The following MRPL48 variants were observed in gnomAD, a reference collection of about 807,000 sequenced individuals.
MRPL48 encodes mitochondrial ribosomal protein L48, also known as large ribosomal subunit protein mL48.
A neutral mutation model predicts 32.9 loss-of-function variants in MRPL48; 16 were observed. The ratio of observed to expected loss-of-function variants is 0.49; its 90% CI spans 0.33 to 0.74. The LOEUF is 0.74. Among genes scored for constraint, MRPL48 ranks in the 30% least tolerant of loss-of-function variants. MRPL48 has a pLI of 0.02. For synonymous variants in MRPL48, 94 were observed against 89.2 expected, an observed-to-expected ratio of 1.05 and a Z score of -0.31; for missense variants, 206 against 245.3, an observed-to-expected ratio of 0.84 and a Z score of 1.07.
chr11:73,825,712 A>C lies in MRPL48; in HGVS notation c.117A>C (p.Gly39=), dbSNP rs1304152254. The C allele has an allele frequency of 9.6e-6, 15 of 1,558,952 alleles. No individual in the cohort carries two copies. The highest frequency in any genetic ancestry group is 5.8e-5 in the Admixed American group (3 of 51,590). ...GTCTTATTTTCTCTCTTTTAGGTGG[A>C]ATTCTACTAAGTATCAGTCGGCCCT... is the stretch of plus-strand genomic sequence containing the variant. The part of the protein sequence containing the change: ...SGEKPIYSVG[G]ILLSISRPYK... The change falls in exon 4 of 8, where the codon GGA becomes GGC. Residue 39 remains glycine, a synonymous_variant. Transcript: ENST00000310614.
intron 1 of MRPL48, among the ~76,000 whole-genome samples, chr11:73,798,767 G>A (rs12793342): frequency 0.043 from 6,587 of 151,998 alleles, 169 homozygotes; most frequent in Middle Eastern, 0.071. Context: ...TGAGGTGGGC[G>A]GATCACGAGG....
intron 3 of MRPL48, among the ~76,000 whole-genome samples, chr11:73,820,245 G>C (rs564805987): frequency 6.6e-6 from 1 of 152,128 alleles, no homozygotes; most frequent in African/African-American, 2.4e-5. Flanking sequence ...TCTTTTTTGA[G>C]ACAGAGTCTC....
intron 1 of MRPL48, among the ~76,000 whole-genome samples, chr11:73,799,279 G>A (rs1468128479): frequency 1.3e-5 from 2 of 152,104 alleles, no homozygotes; most frequent in Admixed American, 1.3e-4. Flanking sequence ...TTAAGTCTAG[G>A]GGGTCGAGGT....
chr11:73,837,645 A>G (rs1312340111), intron 4 of MRPL48, among the ~76,000 whole-genome samples: 8 of 152,116 alleles, frequency 5.3e-5, no homozygotes, highest in South Asian at 2.1e-4. Context: ...CAGTCCTACA[A>G]GGACCTAAGA....
At position 73,820,833 on chromosome 11, in the gene MRPL48, CT is replaced by C. The variant is rs572424830; in HGVS notation, c.113-4874del. ...AGCTACTTCCCCCCCACTATCCCCC[CT>C]GGGGGTAACCACTATTATAATTTTC... On this transcript the variant is annotated intron_variant, in intron 3 of 7. Coordinates refer to ENST00000310614, the MANE Select transcript of MRPL48 (RefSeq NM_016055.6). Among the ~76,000 whole-genome samples the C allele has an allele frequency of 3.4e-3, 522 of 152,280 alleles. 1 individual carries two copies. The highest frequency in any genetic ancestry group is 5.4e-3 in the Non-Finnish European group (365 of 68,024).
chr11:73,792,958 A>T (rs1243196305), intron 1 of MRPL48, among the ~76,000 whole-genome samples: 1 of 152,234 alleles, frequency 6.6e-6, no homozygotes, highest in Admixed American at 6.5e-5. Flanking sequence ...TGAGGTTTAG[A>T]GGGATTTACT....
At chr11:73,850,746 G>T (rs1366080898) in intron 5 of MRPL48, 2 of 211,524 alleles carry the variant, frequency 9.5e-6, no homozygotes, top group Non-Finnish European at 9.4e-6. Context: ...GCGCGATCTC[G>T]ACTCACTGCA....
intron 1 of MRPL48, among the ~76,000 whole-genome samples, chr11:73,794,430 G>A (rs1947212021): frequency 6.7e-6 from 1 of 149,734 alleles, no homozygotes; most frequent in African/African-American, 2.5e-5. Flanking sequence ...TGGCGCATGT[G>A]TGTAATCCCA....
chr11:73,853,746 A>T (rs1948440769), intron 5 of MRPL48, among the ~76,000 whole-genome samples: 1 of 120,716 alleles, frequency 8.3e-6, no homozygotes, highest in Admixed American at 1.2e-4. Flanking sequence ...GCTAGAGTGC[A>T]GTGGCGCGAT....
chr11:73,853,835 T>C (rs1214950652), intron 5 of MRPL48, among the ~76,000 whole-genome samples: 2 of 151,456 alleles, frequency 1.3e-5, no homozygotes, highest in East Asian at 2.0e-4. Context: ...GGACTACAGG[T>C]CCCTGCCACC....
chr11:73,794,186 A>ATCTATCTG (rs1555075367), intron 1 of MRPL48, among the ~76,000 whole-genome samples: 3 of 131,306 alleles, frequency 2.3e-5, no homozygotes, highest in Non-Finnish European at 3.3e-5. Context: ...GAGACCCTGT[A>ATCTATCTG]TCTATCTATC....
chr11:73,856,815 T>C (rs113685701), intron 5 of MRPL48, among the ~76,000 whole-genome samples: 2 of 152,192 alleles, frequency 1.3e-5, no homozygotes, highest in Non-Finnish European at 2.9e-5. Flanking sequence ...TTCCTTCATT[T>C]ATTTCCTTCC....
intron 1 of MRPL48, among the ~76,000 whole-genome samples, chr11:73,793,717 T>C (rs978772795): frequency 6.6e-6 from 1 of 151,776 alleles, no homozygotes; most frequent in Non-Finnish European, 1.5e-5. Flanking sequence ...GGAGTGAGAA[T>C]TGAGGTAAGG....
At chr11:73,818,540 A>G (rs966596599) in intron 3 of MRPL48, among the ~76,000 whole-genome samples, 4 of 152,208 alleles carry the variant, frequency 2.6e-5, no homozygotes, top group Non-Finnish European at 4.4e-5. Context: ...ATATCTTAAG[A>G]ACCATTTTTG....
intron 4 of MRPL48, among the ~76,000 whole-genome samples, chr11:73,828,246 A>G (rs1196777555): frequency 7.7e-6 from 1 of 130,042 alleles, no homozygotes; most frequent in South Asian, 2.4e-4. Flanking sequence ...TTTTTTTTTT[A>G]AATAGAATCT....
intron 4 of MRPL48, among the ~76,000 whole-genome samples, chr11:73,833,426 A>G (rs1233664716): frequency 6.6e-6 from 1 of 152,048 alleles, no homozygotes; most frequent in African/African-American, 2.4e-5. Context: ...GAATAATAGT[A>G]ATGACCCTTT....
intron 5 of MRPL48, among the ~76,000 whole-genome samples, chr11:73,847,125 CA>C (rs1227297513): frequency 6.6e-6 from 1 of 152,018 alleles, no homozygotes; most frequent in African/African-American, 2.4e-5. Context: ...AAGAAATTGC[CA>C]AATTGTTTTC....
intron 4 of MRPL48, among the ~76,000 whole-genome samples, chr11:73,834,527 G>GT (rs1948054244): frequency 1.9e-5 from 2 of 107,056 alleles, no homozygotes; most frequent in African/African-American, 9.5e-5. Context: ...TGTTTTTGCT[G>GT]GTTTTTTTTT....
intron 1 of MRPL48, among the ~76,000 whole-genome samples, chr11:73,796,698 C>T (rs990560134): frequency 3.3e-5 from 5 of 152,188 alleles, no homozygotes; most frequent in African/African-American, 1.2e-4. Flanking sequence ...GGGAACTTAA[C>T]GGTACCTTTT....
Sources: gnomAD v4.1 joint callset for allele counts (sites outside exome capture counted in the v4.1 genomes callset) on GRCh38, gnomAD v4.1.1 for gene constraint, MANE v1.5 for transcripts, NCBI Gene and HGNC (gene_info 2026-07-23, HGNC 2026-07-21) for gene names.